The following DENND1B variants were observed in gnomAD, a reference collection of about 807,000 sequenced individuals.
DENND1B encodes the protein DENN domain containing 1B, also known as DENN domain-containing protein 1B.
A neutral mutation model predicts 90.1 loss-of-function variants in DENND1B; 59 were observed. The observed-to-expected ratio is 0.65, with a 90% CI of 0.53 to 0.81. The LOEUF is 0.81. Ranked by LOEUF, DENND1B falls within the 40% of genes least tolerant of loss-of-function variation. DENND1B has a pLI of 0.00. For synonymous variants in DENND1B, 337 were observed against 324.6 expected (o/e 1.04, Z -0.41); for missense variants, 862 against 912.6 (o/e 0.94, Z 0.71).
At chr1:197,571,483 T>A (rs1673147354) in intron 15 of DENND1B, among the ~76,000 whole-genome samples, 1 of 152,204 alleles carries the variant, frequency 6.6e-6, no homozygotes, top group Non-Finnish European at 1.5e-5. Flanking sequence ...TCTTTTCATA[T>A]CTCAAAACTG....
upstream of DENND1B, among the ~76,000 whole-genome samples, chr1:197,778,938 G>A (rs1256681312): frequency 6.6e-6 from 1 of 152,010 alleles, no homozygotes; most frequent in Non-Finnish European, 1.5e-5. Flanking sequence ...GAGTTCACAA[G>A]GATATCCACC....
intron 2 of DENND1B, among the ~76,000 whole-genome samples, chr1:197,740,737 T>C (rs1197854672): frequency 6.6e-6 from 1 of 152,204 alleles, no homozygotes; most frequent in Admixed American, 6.5e-5. Flanking sequence ...CAAGATCATA[T>C]AACTAGTTGT....
At chr1:197,725,211 T>A (rs1246474115) in intron 2 of DENND1B, among the ~76,000 whole-genome samples, 5 of 152,000 alleles carry the variant, frequency 3.3e-5, no homozygotes, top group Non-Finnish European at 7.4e-5. Context: ...TTTCAAAGCA[T>A]CCTAGAGAGA....
At chr1:197,770,010 C>A (rs150812592) in intron 2 of DENND1B, among the ~76,000 whole-genome samples, 1 of 152,056 alleles carries the variant, frequency 6.6e-6, no homozygotes, top group East Asian at 1.9e-4. Context: ...TTTATAGCTA[C>A]TAATTTATCA....
chr1:197,602,977 T>A (rs1225802912), intron 13 of DENND1B, among the ~76,000 whole-genome samples: 4 of 151,358 alleles, frequency 2.6e-5, no homozygotes, highest in African/African-American at 9.7e-5. Flanking sequence ...CACCATAATA[T>A]GTATGATATT....
At chr1:197,559,934 A>G (rs1249746690) in intron 15 of DENND1B, among the ~76,000 whole-genome samples, 1 of 151,966 alleles carries the variant, frequency 6.6e-6, no homozygotes, top group Non-Finnish European at 1.5e-5. Context: ...AACTAAGAAA[A>G]TTAAGTATGT....
chr1:197,757,353 C>CTG (rs1254212207), intron 2 of DENND1B: 1 of 152,148 alleles, frequency 6.6e-6, no homozygotes, highest in Non-Finnish European at 1.5e-5. Context: ...AAGCCAGTCT[C>CTG]ACCAAAGAAA....
At chr1:197,727,807 G>A (rs1358031785) in intron 2 of DENND1B, among the ~76,000 whole-genome samples, 1 of 151,990 alleles carries the variant, frequency 6.6e-6, no homozygotes, top group Non-Finnish European at 1.5e-5. Flanking sequence ...GCTCCTTTAT[G>A]TTCCACTAAA....
In DENND1B at chr1:197,507,428, C is replaced by T. The variant is rs1667781420; in HGVS notation, c.*3032G>A. ...TAAAGTAGGTAATCATCAAAAGATA[C>T]CACTTAGTAATATTTTCACTTAAAA... is the stretch of plus-strand genomic sequence containing the variant. On this transcript the variant is annotated 3_prime_UTR_variant, in exon 23 of 23. Transcript: ENST00000620048. 1.3e-5 allele frequency: 2 copies of T among 151,110 alleles called. No individual in the cohort carries two copies. The highest frequency in any genetic ancestry group is 4.9e-5 in the African/African-American group (2 of 41,230). The allele number at this position is 151,110 out of a possible 1,614,324, so 9.4% of individuals were successfully genotyped here.
At chr1:197,608,104 A>T (rs960529262) in intron 12 of DENND1B, among the ~76,000 whole-genome samples, 12 of 150,652 alleles carry the variant, frequency 8.0e-5, no homozygotes, top group African/African-American at 2.2e-4. Flanking sequence ...CTACAATAAT[A>T]GTCATTTTTG....
intron 15 of DENND1B, among the ~76,000 whole-genome samples, chr1:197,573,473 CAA>C (rs1399109516): frequency 6.6e-6 from 1 of 152,072 alleles, no homozygotes; most frequent in African/African-American, 2.4e-5. Flanking sequence ...GCTTACCAAC[CAA>C]AAAGAGTCCA....
intron 2 of DENND1B, chr1:197,747,284 C>A (rs2102394308): frequency 4.7e-5 from 29 of 613,978 alleles, no homozygotes; most frequent in South Asian, 4.4e-4. Context: ...GACTCTGTTT[C>A]AGTTTTGGGT....
At chr1:197,719,497 A>G (rs569011581) in intron 2 of DENND1B, among the ~76,000 whole-genome samples, 10 of 152,116 alleles carry the variant, frequency 6.6e-5, no homozygotes, top group East Asian at 5.8e-4. Flanking sequence ...GAGTTTTGTG[A>G]AAAAAAACTG....
intron 15 of DENND1B, among the ~76,000 whole-genome samples, chr1:197,567,785 A>C (rs1207967746): frequency 6.6e-6 from 1 of 152,286 alleles, no homozygotes; most frequent in South Asian, 2.1e-4. Flanking sequence ...ACACTTAACA[A>C]ATTATGTATA....
Position 197,570,801 on chromosome 1 carries a change from T to A in DENND1B, c.1149+12351A>T, listed in dbSNP as rs538460645. 1.0e-3 allele frequency among the ~76,000 whole-genome samples: 157 copies of A among 152,244 alleles called. 1 individual carries two copies. Among genetic ancestry groups the A allele is most frequent in the African/African-American group, 3.6e-3 (148 of 41,550 alleles). ...AGTATTCAAAATCGCTTTTTATGTG[T>A]AATAATAAAAAACATGTTAAGGAGA... On this transcript the variant is annotated intron_variant, in intron 15 of 22. Transcript: ENST00000620048.
chr1:197,545,912 A>G lies in DENND1B; in HGVS notation c.1350+10T>C. 1 of 1,598,258 alleles carries G rather than the reference A, an allele frequency of 6.3e-7. No individual in the cohort carries two copies. The highest frequency in any genetic ancestry group is 8.5e-7 in the Non-Finnish European group (1 of 1,175,248). ...CATAAATAGGATTGTTAAATATCAA[A>G]AAAACTTACAAATTTATATGCTGTC... On this transcript the variant is annotated intron_variant, in intron 18 of 22. Coordinates refer to ENST00000620048, the MANE Select transcript of DENND1B (RefSeq NM_001195215.2).
At chr1:197,756,684 C>A (rs1654344351) in intron 2 of DENND1B, among the ~76,000 whole-genome samples, 2 of 150,088 alleles carry the variant, frequency 1.3e-5, no homozygotes, top group South Asian at 2.1e-4. Context: ...AAGCATGGGT[C>A]ACTAATAATA....
At chr1:197,614,798 T>C (rs1473878571) in intron 11 of DENND1B, among the ~76,000 whole-genome samples, 2 of 151,036 alleles carry the variant, frequency 1.3e-5, no homozygotes, top group Admixed American at 1.3e-4. Context: ...GCTCCTTTCA[T>C]AAAAAGAAGA....
chr1:197,564,437 C>T (rs1455607496), intron 15 of DENND1B, among the ~76,000 whole-genome samples: 1 of 133,966 alleles, frequency 7.5e-6, no homozygotes, highest in Non-Finnish European at 1.6e-5. Flanking sequence ...TTGTTAAAAG[C>T]TCAGATTATC....
Sources: allele counts gnomAD v4.1 joint callset (sites outside exome capture counted in the v4.1 genomes callset), GRCh38; gene constraint gnomAD v4.1.1; transcripts MANE v1.5; gene names NCBI Gene and HGNC (gene_info 2026-07-23, HGNC 2026-07-21).